Variants in IFIT1 observed in about 807,000 individuals in gnomAD.
IFIT1 encodes the protein interferon induced protein with tetratricopeptide repeats 1.
In IFIT1, 1 loss-of-function variant was observed where a neutral mutation model predicts 2.5. The ratio of observed to expected loss-of-function variants is 0.40; its 90% CI spans 0.14 to 1.92. IFIT1 has a LOEUF of 1.92. Among genes scored for constraint, IFIT1 ranks in the 40% most tolerant of loss-of-function variants. The probability of loss-of-function intolerance (pLI) is 0.31; values close to 1 mark genes in which losing one functional copy is unlikely to be tolerated. For missense variants in IFIT1, 508 were observed against 557.8 expected, an observed-to-expected ratio of 0.91 and a Z score of 0.90; for synonymous variants, 191 against 201.7, an observed-to-expected ratio of 0.95 and a Z score of 0.45.
In IFIT1 at chr10:89,397,856, C is replaced by CA. The variant is rs1844367366; in HGVS notation, c.6-4425_6-4424insA. ...CACGTTTTTGTTATTTTTCTATTTA[C>CA]TTTGTTTGGAGTACCTTTGCCATAA... On this transcript the variant is annotated intron_variant, in intron 1 of 1. Transcript: ENST00000371804. Among the ~76,000 whole-genome samples, 3 of 152,130 alleles carry CA rather than the reference C, an allele frequency of 2.0e-5. No individual in the cohort carries two copies. In the South Asian group the frequency reaches 6.2e-4, roughly 31 times the overall value.
intron 1 of IFIT1, among the ~76,000 whole-genome samples, chr10:89,399,922 C>A (rs980293619): frequency 6.6e-6 from 1 of 152,184 alleles, no homozygotes; most frequent in Non-Finnish European, 1.5e-5. Context: ...CAAGAAGGAG[C>A]CATCTGCAAT....
At position 89,393,455 on chromosome 10, in the gene IFIT1, G is replaced by T. The variant is rs140888709; in HGVS notation, c.5+738G>T. The T allele has an allele frequency of 2.8e-4, 129 of 461,200 alleles. No individual in the cohort carries two copies. The East Asian group carries it at 9.7e-3, about 35-fold the overall frequency. 28.6% of individuals were successfully genotyped at this position (461,200 alleles called of 1,614,324 possible). A position where few individuals can be genotyped will look rare whatever the true frequency, so the allele number is the denominator to read the frequency against. ...TGATTTAAAAACCATTACTTAGGCC[G>T]GGCAAGGGGGCTCATGCTTGTAATC... is the stretch of plus-strand genomic sequence containing the variant. On this transcript the variant is annotated intron_variant, in intron 1 of 1. Transcript: ENST00000371804.
intron 1 of IFIT1, among the ~76,000 whole-genome samples, chr10:89,394,605 TATATATATATATATATATATATAA>T (rs1238752937): frequency 0.39 from 25,308 of 64,620 alleles, 3,233 homozygotes; most frequent in East Asian, 0.46. Context: ...TATATATATA[TATATATATATATATATATATATAA>T]AACTTGAATT....
intron 1 of IFIT1, among the ~76,000 whole-genome samples, chr10:89,401,007 C>T (rs1195966740): frequency 6.6e-6 from 1 of 151,330 alleles, no homozygotes; most frequent in African/African-American, 2.4e-5. Context: ...TTTCCTGCAT[C>T]AATTGAGATG....
chr10:89,398,546 C>G (rs1844378009), intron 1 of IFIT1, among the ~76,000 whole-genome samples: 2 of 152,180 alleles, frequency 1.3e-5, no homozygotes, highest in Admixed American at 6.5e-5. Context: ...ACCCGGCACC[C>G]TAGTCCCTGT....
At position 89,403,519 on chromosome 10, in the gene IFIT1, G is replaced by A. The variant is rs1844476280; in HGVS notation, c.1244G>A (p.Arg415Lys). The change falls in exon 2 of 2, where the codon AGG becomes AAG. Residue 415 changes from arginine to lysine, a missense_variant. Arg to Lys is a conservative substitution (Grantham distance 26). Transcript: ENST00000371804. Reference sequence around the variant, plus strand: ...AAAATAGAACAGGCATCATTAACAAGGGATAAAAGTATCAATTCTTTGAAG... The same window carrying A: ...AAAATAGAACAGGCATCATTAACAAAGGATAAAAGTATCAATTCTTTGAAG... The part of the protein sequence containing the change: ...AIKIEQASLT[R>K]DKSINSLKKL... 6.2e-7 allele frequency: 1 copy of A among 1,613,138 alleles called. No homozygotes were observed. Among genetic ancestry groups the A allele is most frequent in the Non-Finnish European group, 8.5e-7 (1 of 1,179,662 alleles).
At chr10:89,399,050 T>TTA (rs1554881069) in intron 1 of IFIT1, among the ~76,000 whole-genome samples, 4 of 152,286 alleles carry the variant, frequency 2.6e-5, no homozygotes, top group Middle Eastern at 3.4e-3. Context: ...GCTTTTTTTT[T>TTA]AAAATAATAG....
chr10:89,398,760 G>A (rs1844381041), intron 1 of IFIT1, among the ~76,000 whole-genome samples: 1 of 151,978 alleles, frequency 6.6e-6, no homozygotes, highest in African/African-American at 2.4e-5. Context: ...ACCACATTTT[G>A]TTTATCCATT....
At chr10:89,399,046 T>TG (rs984007255) in intron 1 of IFIT1, among the ~76,000 whole-genome samples, 7 of 152,214 alleles carry the variant, frequency 4.6e-5, no homozygotes, top group African/African-American at 1.7e-4. Flanking sequence ...TCCTGCTTTT[T>TG]TTTTAAAATA....
intron 1 of IFIT1, among the ~76,000 whole-genome samples, chr10:89,398,047 C>T (rs955927348): frequency 1.3e-5 from 2 of 152,196 alleles, no homozygotes; most frequent in African/African-American, 2.4e-5. Context: ...AACTGAAATT[C>T]TGTACTCATT....
intron 1 of IFIT1, among the ~76,000 whole-genome samples, chr10:89,395,494 C>G (rs746903737): frequency 6.6e-6 from 1 of 152,120 alleles, no homozygotes; most frequent in South Asian, 2.1e-4. Context: ...TTTCAATTGC[C>G]TCCTTTGTAT....
chr10:89,403,307 A>G lies in IFIT1; in HGVS notation c.1032A>G (p.Leu344=), dbSNP rs769794198. The G allele has an allele frequency of 1.9e-6, 3 of 1,613,970 alleles. No homozygotes were observed. Among genetic ancestry groups the G allele is most frequent in the East Asian group, 2.2e-5 (1 of 44,880 alleles). The change falls in exon 2 of 2, where the codon CTA becomes CTG. Residue 344 remains leucine, a synonymous_variant. Transcript: ENST00000371804. ...EKKPTFEVAH[L]DLARMYIEAG... is the part of the protein sequence containing the mutation. ...AGCCCACATTTGAGGTGGCTCATCT[A>G]GACCTGGCAAGAATGTATATAGAAG... is the stretch of plus-strand genomic sequence containing the variant.
rs188698925 is a variant in IFIT1, at chr10:89,394,038, A to G, written c.5+1321A>G. 1.2e-3 allele frequency among the ~76,000 whole-genome samples: 185 copies of G among 152,330 alleles called. 1 individual carries two copies. The Middle Eastern group carries it at 0.017, about 14-fold the overall frequency. ...ATACTTATAAGGCAGGTACTTACAC[A>G]GTCATGCATCGTGTAACAATGGGGA... On this transcript the variant is annotated intron_variant, in intron 1 of 1. Coordinates refer to ENST00000371804, the MANE Select transcript of IFIT1 (RefSeq NM_001548.5).
At chr10:89,400,390 T>C (rs574940549) in intron 1 of IFIT1, among the ~76,000 whole-genome samples, 1 of 152,348 alleles carries the variant, frequency 6.6e-6, no homozygotes, top group South Asian at 2.1e-4. Flanking sequence ...TAATATTATG[T>C]CTTCTAATCC....
intron 1 of IFIT1, among the ~76,000 whole-genome samples, chr10:89,401,053 T>C (rs1844414075): frequency 6.6e-6 from 1 of 152,128 alleles, no homozygotes; most frequent in Non-Finnish European, 1.5e-5. Context: ...GTTAATGTGG[T>C]ATATTACATT....
chr10:89,402,082 G>T (rs1844434112), intron 1 of IFIT1, among the ~76,000 whole-genome samples, 199 bp from the exon 2 acceptor site: 1 of 152,100 alleles, frequency 6.6e-6, no homozygotes, highest in South Asian at 2.1e-4. Flanking sequence ...TACTTGGCTG[G>T]AAATTGCTCT....
Position 89,396,206 on chromosome 10 carries a change from A to G in IFIT1, c.5+3489A>G, listed in dbSNP as rs955806638. On this transcript the variant is annotated intron_variant, in intron 1 of 1. Transcript: ENST00000371804. The stretch of plus-strand genomic sequence containing the variant: ...TTTTCCACAGCAGCTGCATCATTTT[A>G]CATTCCCACCAGCAATGTATGAGGG... Among the ~76,000 whole-genome samples, 8 of 152,194 alleles carry G rather than the reference A, an allele frequency of 5.3e-5. No homozygotes were observed. In the East Asian group the frequency reaches 1.5e-3, roughly 29 times the overall value.
rs1413390974 is a variant in IFIT1 at position 89,402,395 on chromosome 10, G to A, written c.120G>A (p.Leu40=). Residue 40 remains leucine, a synonymous_variant, in exon 2 of 2, where the codon TTG becomes TTA. Coordinates refer to ENST00000371804, the MANE Select transcript of IFIT1 (RefSeq NM_001548.5). ...DEMPDLENRV[L]DQIEFLDTKY... is the part of the protein sequence containing the mutation. Reference sequence around the variant, plus strand: ...TGCCTGATTTAGAAAACAGAGTCTTGGATCAGATTGAATTCCTAGACACCA... The same window carrying A: ...TGCCTGATTTAGAAAACAGAGTCTTAGATCAGATTGAATTCCTAGACACCA... 1 of 1,614,078 alleles carries A rather than the reference G, an allele frequency of 6.2e-7. No homozygotes were observed. The highest frequency in any genetic ancestry group is 1.7e-5 in the Admixed American group (1 of 60,022).
chr10:89,399,446 C>A (rs1844390124), intron 1 of IFIT1, among the ~76,000 whole-genome samples: 1 of 152,118 alleles, frequency 6.6e-6, no homozygotes, highest in Non-Finnish European at 1.5e-5. Flanking sequence ...GAATCACTGC[C>A]AATTGCCAAA....
Sources: gnomAD v4.1 joint callset for allele counts (sites outside exome capture counted in the v4.1 genomes callset) on GRCh38, gnomAD v4.1.1 for gene constraint, MANE v1.5 for transcripts, NCBI Gene and HGNC (gene_info 2026-07-23, HGNC 2026-07-21) for gene names.